MBD5: variants seen among roughly 807,000 people sequenced by gnomAD.
MBD5 encodes the protein methyl-CpG-binding domain protein 5.
Under a neutral mutation model 117.3 loss-of-function variants are expected in MBD5, and 13 were observed. The ratio of observed to expected loss-of-function variants is 0.11; its 90% CI spans 0.07 to 0.18. The LOEUF (loss-of-function observed/expected upper bound fraction) is 0.18. MBD5 is among the 10% of genes least tolerant of loss of function. The pLI, the probability that MBD5 is intolerant of heterozygous loss-of-function variation, is 1.00. For missense variants in MBD5, 1,879 were observed against 2,093.8 expected (o/e 0.90, Z 2.00); for synonymous variants, 727 against 766.4 (o/e 0.95, Z 0.85).
intron 3 of MBD5, among the ~76,000 whole-genome samples, chr2:148,257,647 A>G (rs1462675026): frequency 6.6e-6 from 1 of 152,224 alleles, no homozygotes; most frequent in Non-Finnish European, 1.5e-5. Flanking sequence ...CATATCATCA[A>G]TATAATGGAA....
intron 3 of MBD5, among the ~76,000 whole-genome samples, chr2:148,338,107 G>T (rs1040582615): frequency 1.3e-5 from 2 of 151,894 alleles, no homozygotes; most frequent in African/African-American, 4.8e-5. Flanking sequence ...TTACCTGCAG[G>T]GTTATTACAC....
intron 1 of MBD5, among the ~76,000 whole-genome samples, chr2:148,155,414 A>G (rs1458177526): frequency 1.3e-5 from 2 of 152,188 alleles, no homozygotes; most frequent in Non-Finnish European, 2.9e-5. Flanking sequence ...GTAATGGGAA[A>G]CATGATTGTC....
chr2:148,450,943 A>T (rs1419072474), intron 4 of MBD5, among the ~76,000 whole-genome samples: 3 of 152,184 alleles, frequency 2.0e-5, no homozygotes, highest in Admixed American at 6.6e-5. Context: ...TTTGACTCTG[A>T]GGACTGGCCT....
rs576704921 is a variant in MBD5 at position 148,458,315 on chromosome 2, C to T, written c.-444C>T. ...GTTTAAAGAATGTGGCCTATAAAGG[C>T]GGGTACCTGGAAATATTAACCGACT... On this transcript the variant is annotated 5_prime_UTR_variant, in exon 5 of 14. Transcript: ENST00000642680. The T allele has an allele frequency of 1.2e-5, 5 of 412,252 alleles. No homozygotes were observed. The highest frequency in any genetic ancestry group is 2.0e-5 in the African/African-American group (1 of 48,914). The allele number at this position is 412,252 out of a possible 1,614,324, so 25.5% of individuals were successfully genotyped here.
chr2:148,089,112 CAT>C (rs1695872115), intron 1 of MBD5, among the ~76,000 whole-genome samples: 1 of 151,994 alleles, frequency 6.6e-6, no homozygotes, highest in African/African-American at 2.4e-5. Context: ...CACAGACAGA[CAT>C]TATACAATCA....
At chr2:148,123,231 G>A (rs976021733) in intron 1 of MBD5, among the ~76,000 whole-genome samples, 23 of 152,152 alleles carry the variant, frequency 1.5e-4, no homozygotes, top group African/African-American at 5.3e-4. Flanking sequence ...CAAATTTTTG[G>A]AAACTTTTCA....
intron 4 of MBD5, among the ~76,000 whole-genome samples, chr2:148,381,303 G>C (rs1417427258): frequency 6.6e-6 from 1 of 152,136 alleles, no homozygotes; most frequent in Non-Finnish European, 1.5e-5. Flanking sequence ...ACCCAGGCAC[G>C]AGAACTACGT....
intron 3 of MBD5, among the ~76,000 whole-genome samples, chr2:148,241,661 A>G (rs983531556): frequency 3.9e-5 from 6 of 152,040 alleles, no homozygotes; most frequent in African/African-American, 1.2e-4. Flanking sequence ...GGCCTCTGAT[A>G]CTTCAAGCAA....
chr2:148,212,591 T>A (rs1400231865), intron 2 of MBD5, among the ~76,000 whole-genome samples: 3 of 152,196 alleles, frequency 2.0e-5, no homozygotes, highest in Non-Finnish European at 4.4e-5. Context: ...TAAAAAGGTG[T>A]GTGTATGTAT....
At chr2:148,330,483 A>T (rs1337230605) in intron 3 of MBD5, 2 of 152,324 alleles carry the variant, frequency 1.3e-5, no homozygotes, top group Middle Eastern at 3.4e-3. Context: ...CATTTTACAG[A>T]TGAGAAAATG....
chr2:148,222,446 A>G (rs1054852457), intron 2 of MBD5, among the ~76,000 whole-genome samples: 4 of 151,900 alleles, frequency 2.6e-5, no homozygotes, highest in African/African-American at 9.7e-5. Flanking sequence ...TTTCATCAGT[A>G]TTTTATAATT....
At chr2:148,032,757 T>C (rs2105601201) in intron 1 of MBD5, among the ~76,000 whole-genome samples, 1 of 152,274 alleles carries the variant, frequency 6.6e-6, no homozygotes, top group African/African-American at 2.4e-5. Context: ...TTCATTTTTA[T>C]TTCAGTTTAA....
At chr2:148,496,770 A>G (rs1264276997) in intron 11 of MBD5, among the ~76,000 whole-genome samples, 2 of 152,214 alleles carry the variant, frequency 1.3e-5, no homozygotes, top group South Asian at 4.1e-4. Context: ...GAAGAAAGGA[A>G]GCACCGAAAA....
At chr2:148,128,893 A>T (rs1696965461) in intron 1 of MBD5, among the ~76,000 whole-genome samples, 1 of 152,228 alleles carries the variant, frequency 6.6e-6, no homozygotes. Flanking sequence ...GTATAAAATG[A>T]CAATTCTTGT....
intron 1 of MBD5, among the ~76,000 whole-genome samples, chr2:148,084,487 T>C (rs774148148): frequency 6.6e-6 from 1 of 152,210 alleles, no homozygotes; most frequent in Non-Finnish European, 1.5e-5. Context: ...AAGTCATTAT[T>C]TCAATATAGA....
intron 3 of MBD5, among the ~76,000 whole-genome samples, chr2:148,266,759 C>T (rs1432683828): frequency 6.6e-6 from 1 of 151,972 alleles, no homozygotes; most frequent in Non-Finnish European, 1.5e-5. Flanking sequence ...CAAGGATAAA[C>T]ATAACAGGCA....
At chr2:148,036,516 T>G (rs1173534868) in intron 1 of MBD5, among the ~76,000 whole-genome samples, 3 of 152,120 alleles carry the variant, frequency 2.0e-5, no homozygotes, top group Non-Finnish European at 2.9e-5. Context: ...TTTAAATGGG[T>G]GTAGACAATT....
chr2:148,481,861 C>T (rs879900874), intron 8 of MBD5: 1 of 151,988 alleles, frequency 6.6e-6, no homozygotes, highest in African/African-American at 2.4e-5. Context: ...TTGAACATCA[C>T]AAAAACAGTT....
Position 148,161,428 on chromosome 2 carries a change from C to T in MBD5, c.-924-17272C>T, listed in dbSNP as rs535870610. Among the ~76,000 whole-genome samples, 148 of 152,294 alleles carry T rather than the reference C, an allele frequency of 9.7e-4. 2 individuals carry two copies. In the South Asian group the frequency reaches 0.011, roughly 11 times the overall value. The stretch of plus-strand genomic sequence containing the variant: ...GACTATGAATAGGGACCAAGAAAGA[C>T]TTTAAAGCTAAGGAAAAATTTGAAG... On this transcript the variant is annotated intron_variant, in intron 1 of 13. Transcript: ENST00000642680.
Sources: allele counts gnomAD v4.1 joint callset (sites outside exome capture counted in the v4.1 genomes callset), GRCh38; gene constraint gnomAD v4.1.1; transcripts MANE v1.5; gene names NCBI Gene and HGNC (gene_info 2026-07-23, HGNC 2026-07-21).